The following CHRM3 variants were observed in gnomAD, a reference collection of about 807,000 sequenced individuals.
CHRM3 encodes muscarinic acetylcholine receptor M3.
In CHRM3, 11 loss-of-function variants were observed where a neutral mutation model predicts 41.8. That is an observed-to-expected ratio of 0.26 (90% CI 0.17 to 0.44). The LOEUF (loss-of-function observed/expected upper bound fraction) is 0.44. Among genes scored for constraint, CHRM3 ranks in the 20% least tolerant of loss-of-function variants. The probability of loss-of-function intolerance (pLI) is 1.00; values close to 1 mark genes in which losing one functional copy is unlikely to be tolerated. For missense variants in CHRM3, 571 were observed against 745.4 expected (o/e 0.77, Z 2.72); for synonymous variants, 297 against 301.4 (o/e 0.99, Z 0.15).
chr1:239,412,229 CCTTT>C (rs568286417), intron 1 of CHRM3, among the ~76,000 whole-genome samples: 190 of 132,792 alleles, frequency 1.4e-3, no homozygotes, highest in African/African-American at 5.2e-3. Context: ...CTTTTTCTCC[CCTTT>C]CTTTTTCTTT....
intron 6 of CHRM3, chr1:239,899,907 CT>C (rs2103004266): frequency 6.6e-6 from 1 of 150,600 alleles, no homozygotes; most frequent in African/African-American, 2.5e-5. Flanking sequence ...GCACCTGCCC[CT>C]GGTCTGCCCC....
intron 4 of CHRM3, among the ~76,000 whole-genome samples, chr1:239,665,661 C>A (rs1295730767): frequency 1.3e-5 from 2 of 152,144 alleles, no homozygotes; most frequent in African/African-American, 4.8e-5. Context: ...CTAATGCTGT[C>A]TCTCCACTAG....
chr1:239,792,134 T>C (rs1231369028), intron 5 of CHRM3, among the ~76,000 whole-genome samples: 1 of 152,208 alleles, frequency 6.6e-6, no homozygotes, highest in Non-Finnish European at 1.5e-5. Flanking sequence ...CCTTGGCCAC[T>C]GGGGCATCAA....
intron 2 of CHRM3, among the ~76,000 whole-genome samples, chr1:239,532,674 A>C (rs1657752832): frequency 6.6e-6 from 1 of 151,980 alleles, no homozygotes; most frequent in Admixed American, 6.6e-5. Context: ...GATAAAGTTT[A>C]ACATTAAGAT....
intron 5 of CHRM3, among the ~76,000 whole-genome samples, chr1:239,717,766 A>G (rs1251758605): frequency 1.3e-5 from 2 of 152,166 alleles, no homozygotes; most frequent in East Asian, 3.9e-4. Flanking sequence ...TTTCGGTTCT[A>G]TCCTTCCTCC....
chr1:239,885,586 T>A (rs1678001508), intron 6 of CHRM3, among the ~76,000 whole-genome samples: 2 of 152,176 alleles, frequency 1.3e-5, no homozygotes, highest in African/African-American at 4.8e-5. Context: ...TGTAGGTAAG[T>A]TTATTGGGTA....
At chr1:239,454,292 A>C (rs956738332) in intron 1 of CHRM3, among the ~76,000 whole-genome samples, 3 of 152,114 alleles carry the variant, frequency 2.0e-5, no homozygotes, top group African/African-American at 7.2e-5. Flanking sequence ...AGATTGGCTC[A>C]TTGGACTCCT....
At chr1:239,806,808 A>C (rs1192403869) in intron 5 of CHRM3, among the ~76,000 whole-genome samples, 1 of 152,250 alleles carries the variant, frequency 6.6e-6, no homozygotes, top group Non-Finnish European at 1.5e-5. Context: ...ATAAGGAGAA[A>C]TGCTGGAAGA....
rs985323295 is a variant in CHRM3, at chr1:239,505,276, A to C, written c.-422+12469A>C. On this transcript the variant is annotated intron_variant, in intron 2 of 6. Transcript: ENST00000676153. The stretch of plus-strand genomic sequence containing the variant: ...GTTTCCTGGGATGATGATGATGATG[A>C]TGATGATGATGATGATGATGATGAT... Among the ~76,000 whole-genome samples, 7 of 151,434 alleles carry C rather than the reference A, an allele frequency of 4.6e-5. No individual in the cohort carries two copies. In the South Asian group the frequency reaches 1.5e-3, roughly 32 times the overall value.
chr1:239,728,221 A>C (rs1663627977), intron 5 of CHRM3, among the ~76,000 whole-genome samples: 1 of 151,946 alleles, frequency 6.6e-6, no homozygotes, highest in Non-Finnish European at 1.5e-5. Flanking sequence ...TTACTTCACA[A>C]CATTCCCACT....
intron 1 of CHRM3, among the ~76,000 whole-genome samples, chr1:239,490,689 G>A (rs1213923664): frequency 6.6e-6 from 1 of 151,910 alleles, no homozygotes; most frequent in Non-Finnish European, 1.5e-5. Context: ...AGCTACCTGG[G>A]TAGCTGGGAC....
chr1:239,553,654 T>C (rs1660078380), intron 3 of CHRM3, among the ~76,000 whole-genome samples: 1 of 152,240 alleles, frequency 6.6e-6, no homozygotes, highest in Non-Finnish European at 1.5e-5. Context: ...GTGTCTTTTC[T>C]ATCCCATCCC....
intron 4 of CHRM3, among the ~76,000 whole-genome samples, chr1:239,653,515 C>G (rs1261961968): frequency 1.3e-5 from 2 of 152,072 alleles, no homozygotes; most frequent in African/African-American, 4.8e-5. Context: ...AAGAGCCAAG[C>G]TGGTTGCAGA....
chr1:239,807,610 G>A (rs978604694), intron 5 of CHRM3, among the ~76,000 whole-genome samples: 1 of 152,138 alleles, frequency 6.6e-6, no homozygotes, highest in East Asian at 1.9e-4. Flanking sequence ...TTTTTCTTTG[G>A]CTTAGTAATC....
chr1:239,495,412 C>T (rs1255295122), intron 2 of CHRM3, among the ~76,000 whole-genome samples: 1 of 152,204 alleles, frequency 6.6e-6, no homozygotes, highest in Non-Finnish European at 1.5e-5. Context: ...TTTTAGCCTA[C>T]AGTCCTTCTC....
chr1:239,783,952 CGT>C (rs1668699273), intron 5 of CHRM3, among the ~76,000 whole-genome samples: 1 of 152,146 alleles, frequency 6.6e-6, no homozygotes, highest in African/African-American at 2.4e-5. Context: ...TAAGTGAGAA[CGT>C]GCAGTATTTG....
At chr1:239,889,511 A>T (rs1294165348) in intron 6 of CHRM3, among the ~76,000 whole-genome samples, 1 of 152,052 alleles carries the variant, frequency 6.6e-6, no homozygotes, top group Non-Finnish European at 1.5e-5. Flanking sequence ...CAGCTTGCTT[A>T]TCTATGTTTG....
chr1:239,532,347 G>T (rs980780617), intron 2 of CHRM3, among the ~76,000 whole-genome samples: 1 of 145,652 alleles, frequency 6.9e-6, no homozygotes, highest in Non-Finnish European at 1.5e-5. Flanking sequence ...GTAGGAGTTG[G>T]CCAGGCGCAG....
At chr1:239,878,980 A>G (rs1677363697) in intron 6 of CHRM3, among the ~76,000 whole-genome samples, 1 of 152,144 alleles carries the variant, frequency 6.6e-6, no homozygotes. Flanking sequence ...GAGGTACAAC[A>G]GAGAGAATGA....
Sources: allele counts gnomAD v4.1 joint callset (sites outside exome capture counted in the v4.1 genomes callset), GRCh38; gene constraint gnomAD v4.1.1; transcripts MANE v1.5; gene names NCBI Gene and HGNC (gene_info 2026-07-23, HGNC 2026-07-21).